The following ERC2 variants were observed in gnomAD, a reference collection of about 807,000 sequenced individuals.
ERC2 encodes the protein ERC protein 2.
In ERC2, 42 loss-of-function variants were observed where a neutral mutation model predicts 114.8. The observed-to-expected ratio is 0.37, with a 90% confidence interval of 0.29 to 0.47. The LOEUF is 0.47. Ranked by LOEUF, ERC2 falls within the 20% of genes least tolerant of loss-of-function variation. ERC2 has a pLI of 0.99. For synonymous variants in ERC2, 454 were observed against 425.5 expected, an observed-to-expected ratio of 1.07 and a Z score of -0.82; for missense variants, 939 against 1,150.7, an observed-to-expected ratio of 0.82 and a Z score of 2.66.
chr3:56,365,660 G>A (rs1347831601), intron 2 of ERC2, among the ~76,000 whole-genome samples: 1 of 152,176 alleles, frequency 6.6e-6, no homozygotes, highest in Non-Finnish European at 1.5e-5. Flanking sequence ...ACAATAGTAT[G>A]TTATTTCATG....
intron 17 of ERC2, among the ~76,000 whole-genome samples, chr3:55,629,472 A>G (rs2059657237): frequency 6.6e-6 from 1 of 152,234 alleles, no homozygotes; most frequent in Non-Finnish European, 1.5e-5. Context: ...TGGTGATTTT[A>G]TTACAGTAAT....
chr3:55,860,688 G>C (rs927197134), intron 14 of ERC2, among the ~76,000 whole-genome samples: 1 of 152,172 alleles, frequency 6.6e-6, no homozygotes, highest in African/African-American at 2.4e-5. Context: ...TGAGGTAAGA[G>C]TTGTGAGCTT....
At chr3:56,440,019 T>C (rs997130121) in intron 1 of ERC2, among the ~76,000 whole-genome samples, 1 of 152,222 alleles carries the variant, frequency 6.6e-6, no homozygotes, top group Admixed American at 6.5e-5. Context: ...AAATGTAACA[T>C]ATATATTTTC....
chr3:55,898,971 A>G (rs1291276230), intron 13 of ERC2, among the ~76,000 whole-genome samples: 1 of 152,210 alleles, frequency 6.6e-6, no homozygotes, highest in Non-Finnish European at 1.5e-5. Context: ...TCTGCCCAAT[A>G]TGTATGCCAC....
At chr3:56,211,484 C>T (rs2049053955) in intron 3 of ERC2, among the ~76,000 whole-genome samples, 1 of 152,114 alleles carries the variant, frequency 6.6e-6, no homozygotes, top group South Asian at 2.1e-4. Flanking sequence ...ATATCCCATG[C>T]TCATGGATGG....
At chr3:55,574,636 T>C (rs545623595) in intron 17 of ERC2, among the ~76,000 whole-genome samples, 10 of 152,252 alleles carry the variant, frequency 6.6e-5, no homozygotes, top group African/African-American at 2.2e-4. Flanking sequence ...ATGTGTGCAT[T>C]GAGGACAAGA....
intron 14 of ERC2, among the ~76,000 whole-genome samples, chr3:55,838,326 A>T (rs1161496283): frequency 6.6e-6 from 1 of 152,106 alleles, no homozygotes; most frequent in Non-Finnish European, 1.5e-5. Context: ...ACCTCAAGAA[A>T]TTTAAAAGAA....
chr3:55,880,826 GAGA>G (rs2063080655), intron 14 of ERC2, among the ~76,000 whole-genome samples: 1 of 151,864 alleles, frequency 6.6e-6, no homozygotes, highest in Non-Finnish European at 1.5e-5. Context: ...TTCTTGAATG[GAGA>G]AGGCCAAGTT....
At chr3:55,980,359 T>G (rs944205828) in intron 12 of ERC2, among the ~76,000 whole-genome samples, 3 of 152,178 alleles carry the variant, frequency 2.0e-5, no homozygotes, top group African/African-American at 7.2e-5. Context: ...CCCACTCATT[T>G]TTAAATAGGT....
chr3:56,012,604 G>A (rs1338604208), intron 8 of ERC2, among the ~76,000 whole-genome samples: 1 of 152,136 alleles, frequency 6.6e-6, no homozygotes. Context: ...CATGTTAACA[G>A]CCAGAAGGTG....
intron 17 of ERC2, among the ~76,000 whole-genome samples, chr3:55,513,137 C>A (rs189857095): frequency 9.3e-4 from 142 of 152,328 alleles, no homozygotes; most frequent in Non-Finnish European, 1.6e-3. Flanking sequence ...GCGCTTTCAA[C>A]GCAGCAGCCA....
chr3:55,562,616 C>T (rs1014018949), intron 17 of ERC2, among the ~76,000 whole-genome samples: 5 of 152,166 alleles, frequency 3.3e-5, no homozygotes, highest in African/African-American at 4.8e-5. Context: ...AAAACAACCT[C>T]CCAGGTTGGT....
intron 17 of ERC2, among the ~76,000 whole-genome samples, chr3:55,561,496 G>A (rs1466081927): frequency 1.3e-5 from 2 of 152,118 alleles, no homozygotes; most frequent in Admixed American, 1.3e-4. Context: ...AACTTAATTT[G>A]AAACTGAAAG....
At chr3:56,332,034 A>G (rs2057642185) in intron 2 of ERC2, among the ~76,000 whole-genome samples, 1 of 152,156 alleles carries the variant, frequency 6.6e-6, no homozygotes, top group African/African-American at 2.4e-5. Flanking sequence ...CTCAGGGTTC[A>G]GGGAGCAGAG....
At chr3:56,224,116 T>C (rs1320700226) in intron 3 of ERC2, among the ~76,000 whole-genome samples, 1 of 152,220 alleles carries the variant, frequency 6.6e-6, no homozygotes, top group Non-Finnish European at 1.5e-5. Context: ...TGCTCAAGTT[T>C]AGCACAGCCA....
At chr3:55,677,615 G>A (rs566298160) in intron 17 of ERC2, among the ~76,000 whole-genome samples, 2 of 152,146 alleles carry the variant, frequency 1.3e-5, no homozygotes, top group Non-Finnish European at 2.9e-5. Context: ...AGAAAATGGA[G>A]GGGAGAGACG....
chr3:56,256,302 G>C (rs11130506), intron 3 of ERC2, among the ~76,000 whole-genome samples: 103,346 of 152,070 alleles, frequency 0.68, 36,343 homozygotes, highest in Non-Finnish European at 0.76. Context: ...ATTTCCAACA[G>C]GTGATTAAAA....
At chr3:56,442,889 G>C (rs2107460290) in intron 1 of ERC2, among the ~76,000 whole-genome samples, 1 of 152,302 alleles carries the variant, frequency 6.6e-6, no homozygotes, top group East Asian at 1.9e-4. Flanking sequence ...ACTATGGGAA[G>C]TTTGCTCCCT....
intron 16 of ERC2, among the ~76,000 whole-genome samples, chr3:55,688,939 C>T (rs2062480716): frequency 1.3e-5 from 2 of 152,198 alleles, no homozygotes. Flanking sequence ...GACTCTTCCC[C>T]TCTTCTATCG....
Sources: allele counts gnomAD v4.1 joint callset (sites outside exome capture counted in the v4.1 genomes callset), GRCh38; gene constraint gnomAD v4.1.1; transcripts MANE v1.5; gene names NCBI Gene and HGNC (gene_info 2026-07-23, HGNC 2026-07-21).